The following AIFM1 variants were observed in gnomAD, a reference collection of about 807,000 sequenced individuals.
AIFM1 encodes the protein apoptosis-inducing factor 1, mitochondrial.
Under a neutral mutation model 51.7 loss-of-function variants are expected in AIFM1, and 3 were observed. The ratio of observed to expected loss-of-function variants is 0.06; its 90% CI spans 0.03 to 0.15. The LOEUF is 0.15. Ranked by LOEUF, AIFM1 falls within the 10% of genes least tolerant of loss-of-function variation. The pLI is 1.00. For synonymous variants in AIFM1, 178 were observed against 179.4 expected, an observed-to-expected ratio of 0.99 and a Z score of 0.06; for missense variants, 330 against 476.8, an observed-to-expected ratio of 0.69 and a Z score of 2.87.
At position 130,157,182 on chromosome X, in the gene AIFM1, T is replaced by C. The variant is rs770677905; in HGVS notation, c.107-579A>G. On this transcript the variant is annotated intron_variant, in intron 1 of 15. Transcript: ENST00000287295. ...CAAAGAACTAAAAAATTTTGGACTA[T>C]GAAATATTTTTTATAATGACAAAAT... Among the ~76,000 whole-genome samples, 4 of 112,166 alleles carry C rather than the reference T, an allele frequency of 3.6e-5. No individual in the cohort carries two copies. In the East Asian group the frequency reaches 1.1e-3, roughly 31 times the overall value.
chrX:130,149,380 C>T lies in AIFM1; in HGVS notation c.349+89G>A, dbSNP rs1319055674. 4.0e-6 allele frequency: 3 copies of T among 752,672 alleles called. No homozygotes were observed. In the African/African-American group the frequency reaches 6.2e-5, roughly 16 times the overall value. The allele number at this position is 752,672 out of a possible 1,213,427, so 62.0% of individuals were successfully genotyped here. On this transcript the variant is annotated intron_variant, in intron 3 of 15. Coordinates refer to ENST00000287295, the MANE Select transcript of AIFM1 (RefSeq NM_004208.4). ...CAATCTCATACCACCATTGCTTCTA[C>T]AAGACATCCATAAATCACAGCACCC...
At chrX:130,130,687 T>A (rs1320775667) in intron 14 of AIFM1, among the ~76,000 whole-genome samples, 3 of 112,592 alleles carry the variant, frequency 2.7e-5, no homozygotes, top group Non-Finnish European at 5.6e-5. Flanking sequence ...AGATGGAACA[T>A]TTCCATCGCA....
At chrX:130,130,337 C>T (rs2030014006) in intron 14 of AIFM1, among the ~76,000 whole-genome samples, 171 bp from the exon 15 acceptor site, 1 of 112,053 alleles carries the variant, frequency 8.9e-6, no homozygotes, top group African/African-American at 3.2e-5. Flanking sequence ...ACCAGCCCCT[C>T]TCCAGTGACA....
chrX:130,141,891 T>C (rs764244800), intron 6 of AIFM1, among the ~76,000 whole-genome samples: 10 of 112,236 alleles, frequency 8.9e-5, no homozygotes, highest in Admixed American at 5.7e-4. Context: ...CTCTGTTTAT[T>C]TGACTAGCTG....
rs1458386963 is a variant in AIFM1, at chrX:130,159,265, CT to C, written c.107-2663del. On this transcript the variant is annotated intron_variant, in intron 1 of 15. Coordinates refer to ENST00000287295, the MANE Select transcript of AIFM1 (RefSeq NM_004208.4). ...CAATTTCTGAATTACAGATAAGAGA[CT>C]TTAGATCTACACTCTTAGAAAAGGA... Among the ~76,000 whole-genome samples, 156 of 67,868 alleles carry C rather than the reference CT, an allele frequency of 2.3e-3. 2 individuals are homozygous for C. The highest frequency in any genetic ancestry group is 8.1e-3 in the African/African-American group (147 of 18,045). 58.9% of individuals were successfully genotyped at this position (67,868 alleles called of 115,157 possible).
intron 1 of AIFM1, among the ~76,000 whole-genome samples, chrX:130,161,626 G>A (rs1415313568): frequency 1.1e-4 from 4 of 35,279 alleles, no homozygotes; most frequent in Non-Finnish European, 2.1e-4. Context: ...TTTTTTTTTT[G>A]AGACAGATTC....
chrX:130,135,599 A>C (rs1363233343), intron 12 of AIFM1, among the ~76,000 whole-genome samples: 2 of 110,876 alleles, frequency 1.8e-5, no homozygotes, highest in Admixed American at 9.6e-5. Context: ...TTTATGTCAT[A>C]ATAGATTGTA....
intron 2 of AIFM1, among the ~76,000 whole-genome samples, chrX:130,152,496 C>G (rs1432236141): frequency 8.9e-6 from 1 of 112,106 alleles, no homozygotes; most frequent in Non-Finnish European, 1.9e-5. Flanking sequence ...GTGAAGACAA[C>G]TTTTCTAAAC....
chrX:130,143,446 G>C (rs1022088105), intron 6 of AIFM1, among the ~76,000 whole-genome samples: 6 of 111,194 alleles, frequency 5.4e-5, no homozygotes, highest in African/African-American at 1.3e-4. Flanking sequence ...AATCATCTTT[G>C]CCTCCTCCAT....
chrX:130,136,163 G>T lies in AIFM1; in HGVS notation c.1187C>A (p.Ala396Glu). 8.3e-7 allele frequency: 1 copy of T among 1,211,907 alleles called. No individual in the cohort carries two copies. Among genetic ancestry groups the T allele is most frequent in the Non-Finnish European group, 1.1e-6 (1 of 895,509 alleles). ...GRKVETDHIV[A>E]AVGLEPNVEL... Reference sequence around the variant, plus strand: ...AACATTGGGCTCCAGGCCCACAGCTGCCACTATGTGGTCAGTTTCTACCTG... The same window carrying T: ...AACATTGGGCTCCAGGCCCACAGCTTCCACTATGTGGTCAGTTTCTACCTG... The change falls in exon 12 of 16, where the codon GCA becomes GAA. Residue 396 changes from alanine (A) to glutamate (E), a missense_variant. Physicochemically the swap from Ala to Glu is moderately radical, Grantham distance 107. Coordinates refer to ENST00000287295, the MANE Select transcript of AIFM1 (RefSeq NM_004208.4).
chrX:130,147,906 C>T (rs1318062461), intron 3 of AIFM1, 30 bp from the exon 4 acceptor site: 3 of 1,208,588 alleles, frequency 2.5e-6, no homozygotes, highest in African/African-American at 3.5e-5. Context: ...CTGGATGAAT[C>T]TTCTTGAAGT....
chrX:130,139,294 C>T (rs370809124), intron 8 of AIFM1, among the ~76,000 whole-genome samples: 4 of 108,659 alleles, frequency 3.7e-5, no homozygotes, highest in African/African-American at 1.0e-4. Context: ...ATCGCACCAC[C>T]GCACTCCAGC....
In AIFM1 at chrX:130,156,541, A is replaced by C. The variant is rs757444572; in HGVS notation, c.169T>G (p.Ser57Ala). ...TCGATTTTGCCCCCTGATGCACCAG[A>C]GCTAGCCATTTGTCTTGTCATCTGG... ...ELQMTRQMAS[S>A]GASGGKIDNS... is the part of the protein sequence containing the mutation. The change falls in exon 2 of 16, where the codon TCT (serine) becomes GCT (alanine). Residue 57 changes from serine to alanine, a missense_variant. By Grantham distance (99) the Ser-to-Ala change is moderately conservative. Coordinates refer to ENST00000287295, the MANE Select transcript of AIFM1 (RefSeq NM_004208.4). The C allele has an allele frequency of 1.7e-6, 2 of 1,209,866 alleles. No homozygotes were observed. The highest frequency in any genetic ancestry group is 3.5e-5 in the South Asian group (2 of 56,850).
At chrX:130,165,339 C>T (rs1456175971) in intron 1 of AIFM1, among the ~76,000 whole-genome samples, 1 of 112,201 alleles carries the variant, frequency 8.9e-6, no homozygotes, top group Non-Finnish European at 1.9e-5. Flanking sequence ...CTCAAGCCGA[C>T]TACTGGGTTC....
intron 3 of AIFM1, among the ~76,000 whole-genome samples, chrX:130,148,922 C>CTTTT (rs11292355): frequency 4.4e-5 from 3 of 68,362 alleles, no homozygotes; most frequent in Non-Finnish European, 7.7e-5. Flanking sequence ...TTTTAAGAGA[C>CTTTT]TTTTTTTTTT....
intron 11 of AIFM1, 85 bp downstream of exon 11, chrX:130,136,558 C>T: frequency 1.2e-6 from 1 of 828,514 alleles, no homozygotes; most frequent in Non-Finnish European, 1.8e-6. Context: ...AACTAATCTA[C>T]TGGTGTCAAA....
chrX:130,163,398 G>A (rs1010969377), intron 1 of AIFM1, among the ~76,000 whole-genome samples: 2 of 110,915 alleles, frequency 1.8e-5, no homozygotes, highest in African/African-American at 3.3e-5. Context: ...AAAAACACAC[G>A]GTAGATGCTA....
At chrX:130,149,682 T>C in intron 2 of AIFM1, 114 bp from the exon 3 acceptor site, 4 of 582,447 alleles carry the variant, frequency 6.9e-6, no homozygotes, top group South Asian at 2.5e-5. Context: ...TTAGTTCCTC[T>C]ATGTCAAAAC....
At chrX:130,151,439 C>G (rs747700217) in intron 2 of AIFM1, among the ~76,000 whole-genome samples, 3 of 111,234 alleles carry the variant, frequency 2.7e-5, no homozygotes, top group African/African-American at 9.8e-5. Context: ...ACACCCGGCC[C>G]CATAAAACAT....
Sources: allele counts gnomAD v4.1 joint callset (sites outside exome capture counted in the v4.1 genomes callset), GRCh38; gene constraint gnomAD v4.1.1; transcripts MANE v1.5; gene names NCBI Gene and HGNC (gene_info 2026-07-23, HGNC 2026-07-21).